Variants in TEX51 observed in about 807,000 individuals in gnomAD.
TEX51 encodes testis-expressed protein 51.
A neutral mutation model predicts 8.0 loss-of-function variants in TEX51; 14 were observed. That is an observed-to-expected ratio of 1.76 (90% CI 1.16 to 2.75). The LOEUF is 2.75. TEX51 is among the 30% of genes most tolerant of loss of function. The pLI is 0.00. For missense variants in TEX51, 142 were observed against 77.4 expected, an observed-to-expected ratio of 1.83 and a Z score of -3.13; for synonymous variants, 58 against 28.6, an observed-to-expected ratio of 2.03 and a Z score of -3.29.
At position 126,899,629 on chromosome 2, in the gene TEX51, A is replaced by C; in HGVS notation, c.310+17A>C. ...AGGAGAAGGGTAAGGGGTGGGGACG[A>C]TCCCTGCACACGGCCCAGCCCTCCA... On this transcript the variant is annotated intron_variant, in intron 3 of 6. Coordinates refer to ENST00000568484, the MANE Select transcript of TEX51 (RefSeq NM_001322244.2). 1.4e-6 allele frequency: 1 copy of C among 699,886 alleles called. No homozygotes were observed. Among genetic ancestry groups the C allele is most frequent in the South Asian group, 1.5e-5 (1 of 66,978 alleles). The allele number at this position is 699,886 out of a possible 1,614,324, so 43.4% of individuals were successfully genotyped here.
Position 126,901,966 on chromosome 2 carries a change from C to A in TEX51, c.*97C>A. The A allele has an allele frequency of 4.6e-6, 3 of 646,408 alleles. No homozygotes were observed. Among genetic ancestry groups the A allele is most frequent in the Non-Finnish European group, 8.4e-6 (3 of 357,374 alleles). 40.0% of individuals were successfully genotyped at this position (646,408 alleles called of 1,614,324 possible). On this transcript the variant is annotated 3_prime_UTR_variant, in exon 7 of 7. Transcript: ENST00000568484. ...CATCTCTGGGTCCCGGTGACCCCATCCCCCCATACCCTCCATCCTGGGTCC... is the reference window on the plus strand; with the variant it reads ...CATCTCTGGGTCCCGGTGACCCCATACCCCCATACCCTCCATCCTGGGTCC...
intron 6 of TEX51, chr2:126,901,627 C>G: frequency 1.7e-6 from 1 of 600,014 alleles, no homozygotes; most frequent in Non-Finnish European, 3.0e-6. Flanking sequence ...AATGGCAAAG[C>G]TCCAGGCCTC....
chr2:126,899,622 G>A lies in TEX51; in HGVS notation c.310+10G>A, dbSNP rs1332048978. On this transcript the variant is annotated intron_variant, in intron 3 of 6. Coordinates refer to ENST00000568484, the MANE Select transcript of TEX51 (RefSeq NM_001322244.2). The stretch of plus-strand genomic sequence containing the variant: ...GGGCTGAAGGAGAAGGGTAAGGGGT[G>A]GGGACGATCCCTGCACACGGCCCAG... The A allele has an allele frequency of 5.7e-6, 4 of 700,594 alleles. No homozygotes were observed. Among genetic ancestry groups the A allele is most frequent in the African/African-American group, 3.5e-5 (2 of 57,176 alleles). 43.4% of individuals were successfully genotyped at this position (700,594 alleles called of 1,614,324 possible). A position where few individuals can be genotyped will look rare whatever the true frequency, so the allele number is the denominator to read the frequency against.
chr2:126,900,859 C>T (rs995630197), intron 4 of TEX51, among the ~76,000 whole-genome samples: 7 of 152,216 alleles, frequency 4.6e-5, no homozygotes, highest in Middle Eastern at 6.3e-3. Context: ...TTGAGCGTGT[C>T]CTGTGCCGGG....
chr2:126,899,140 G>A (rs560435988), intron 1 of TEX51, 77 bp downstream of exon 1: 64 of 701,588 alleles, frequency 9.1e-5, no homozygotes, highest in Non-Finnish European at 1.5e-4. Context: ...CAGGAGATCA[G>A]GGATTGGATG....
Position 126,901,479 on chromosome 2 carries a change from G to C in TEX51, c.*2+75G>C, listed in dbSNP as rs557442814. On this transcript the variant is annotated intron_variant, in intron 6 of 6. Transcript: ENST00000568484. ...AGCTGGGTGTGCCCTGGGAGTCTCA[G>C]GGCCTGGAACCCCAGTGCTGACCTC... The C allele has an allele frequency of 5.6e-4, 390 of 696,590 alleles. 8 individuals are homozygous for C. In the South Asian group the frequency reaches 5.6e-3, roughly 10 times the overall value. 43.2% of individuals were successfully genotyped at this position (696,590 alleles called of 1,614,324 possible). A position where few individuals can be genotyped will look rare whatever the true frequency, so the allele number is the denominator to read the frequency against.
rs1315756589 is a variant in TEX51 at position 126,899,774 on chromosome 2, C to G, written c.310+162C>G. The G allele has an allele frequency of 1.0e-5, 7 of 702,030 alleles. No homozygotes were observed. The East Asian group carries it at 1.9e-4, about 19-fold the overall frequency. The allele number at this position is 702,030 out of a possible 1,614,324, so 43.5% of individuals were successfully genotyped here. A position where few individuals can be genotyped will look rare whatever the true frequency, so the allele number is the denominator to read the frequency against. ...CCATCTCCTACTTGCACCCCAGAACCCCTTGGCTCTGTCTGCCTCCCCAGC... is the reference window on the plus strand; with the variant it reads ...CCATCTCCTACTTGCACCCCAGAACGCCTTGGCTCTGTCTGCCTCCCCAGC... On this transcript the variant is annotated intron_variant, in intron 3 of 6. Transcript: ENST00000568484.
At position 126,899,300 on chromosome 2, in the gene TEX51, G is replaced by A. The variant is rs1402960487; in HGVS notation, c.220+9G>A. 2 of 702,084 alleles carry A rather than the reference G, an allele frequency of 2.8e-6. No homozygotes were observed. The highest frequency in any genetic ancestry group is 3.5e-5 in the African/African-American group (2 of 57,196). 43.5% of individuals were successfully genotyped at this position (702,084 alleles called of 1,614,324 possible). ...TAAAACGTTACGAGATGGTGAGGAA[G>A]CCAAGAGCCCCAGGGCCTTGGGGCT... is the stretch of plus-strand genomic sequence containing the variant. On this transcript the variant is annotated intron_variant, in intron 2 of 6. Coordinates refer to ENST00000568484, the MANE Select transcript of TEX51 (RefSeq NM_001322244.2).
intron 1 of TEX51, 43 bp downstream of exon 1, chr2:126,899,106 C>G: frequency 4.3e-6 from 3 of 701,242 alleles, no homozygotes; most frequent in East Asian, 2.7e-5. Flanking sequence ...TTTCTCAAAC[C>G]CTGGTACCTT....
chr2:126,901,354 T>G lies in TEX51; in HGVS notation c.464-11T>G. The G allele has an allele frequency of 1.4e-6, 1 of 702,312 alleles. No individual in the cohort carries two copies. The highest frequency in any genetic ancestry group is 2.6e-6 in the Non-Finnish European group (1 of 384,812). The allele number at this position is 702,312 out of a possible 1,614,324, so 43.5% of individuals were successfully genotyped here. ...ATTCCCTGACTGACTCCACCCTGTT[T>G]CTTGGCCCAGATGTTTCTTTTACTG... On this transcript the variant is annotated splice_polypyrimidine_tract_variant and intron_variant, in intron 5 of 6. Coordinates refer to ENST00000568484, the MANE Select transcript of TEX51 (RefSeq NM_001322244.2).
In TEX51 at chr2:126,901,432, T is replaced by A. The variant is rs1680324988; in HGVS notation, c.*2+28T>A. 1.0e-5 allele frequency: 7 copies of A among 702,014 alleles called. No homozygotes were observed. In the South Asian group the frequency reaches 1.0e-4, roughly 10 times the overall value. The allele number at this position is 702,014 out of a possible 1,614,324, so 43.5% of individuals were successfully genotyped here. On this transcript the variant is annotated intron_variant, in intron 6 of 6. Transcript: ENST00000568484. Reference sequence around the variant, plus strand: ...ACTGGGAAAGGAGACCCCGACCCAATTCTAGGGCTCCCAGAGGGAAAAGCT... The same window carrying A: ...ACTGGGAAAGGAGACCCCGACCCAAATCTAGGGCTCCCAGAGGGAAAAGCT...
chr2:126,902,080 A>C lies in TEX51; in HGVS notation c.*211A>C. 6.4e-5 allele frequency: 27 copies of C among 423,856 alleles called. No individual in the cohort carries two copies. Among genetic ancestry groups the C allele is most frequent in the South Asian group, 4.6e-4 (7 of 15,182 alleles). The allele number at this position is 423,856 out of a possible 1,614,324, so 26.3% of individuals were successfully genotyped here. ...CTTTGTAAAGAGTCTCTTCATTAAA[A>C]CCCCTCTTCATAGCCTAGTTGACTG... On this transcript the variant is annotated 3_prime_UTR_variant, in exon 7 of 7. Transcript: ENST00000568484.
intron 6 of TEX51, 83 bp from the exon 7 acceptor site, chr2:126,901,789 C>T (rs1680346287): frequency 1.8e-6 from 1 of 567,060 alleles, no homozygotes; most frequent in East Asian, 3.0e-5. Flanking sequence ...GGGAGACTCC[C>T]AGGAGGAAGT....
At chr2:126,901,667 C>A in intron 6 of TEX51, 3 of 593,482 alleles carry the variant, frequency 5.1e-6, no homozygotes, top group Non-Finnish European at 9.0e-6. Context: ...CTCTTCCTCC[C>A]AGCTGTCCCT....
rs1478704254 is a variant in TEX51 at position 126,899,286 on chromosome 2, G to C, written c.215G>C (p.Arg72Pro). 2 of 702,134 alleles carry C rather than the reference G, an allele frequency of 2.8e-6. No individual in the cohort carries two copies. The highest frequency in any genetic ancestry group is 4.0e-5 in the Admixed American group (2 of 49,996). The allele number at this position is 702,134 out of a possible 1,614,324, so 43.5% of individuals were successfully genotyped here. The change falls in exon 2 of 7, where the codon CGA (arginine) becomes CCA (proline). Residue 72 changes from arginine to proline, a missense_variant. Coordinates refer to ENST00000568484, the MANE Select transcript of TEX51 (RefSeq NM_001322244.2). ...TQVHQAIKTL[R>P]DDKTVLLEEI... ...GTACACCAAGCCATTAAAACGTTACGAGATGGTGAGGAAGCCAAGAGCCCC... is the reference window on the plus strand; with the variant it reads ...GTACACCAAGCCATTAAAACGTTACCAGATGGTGAGGAAGCCAAGAGCCCC...
At chr2:126,900,166 T>C (rs1680250476) in intron 4 of TEX51, 147 bp downstream of exon 4, 1 of 642,322 alleles carries the variant, frequency 1.6e-6, no homozygotes, top group Non-Finnish European at 2.8e-6. Flanking sequence ...TTCTGGGATT[T>C]CTTGATGTCC....
intron 5 of TEX51, 36 bp from the exon 6 acceptor site, chr2:126,901,329 A>G: frequency 1.4e-6 from 1 of 702,198 alleles, no homozygotes; most frequent in South Asian, 1.5e-5. Flanking sequence ...AGACACACCT[A>G]TTCCCTGACT....
At chr2:126,899,908 C>T (rs1232450324) in intron 3 of TEX51, 28 bp from the exon 4 acceptor site, 1 of 702,242 alleles carries the variant, frequency 1.4e-6, no homozygotes, top group Admixed American at 2.0e-5. Flanking sequence ...CCTGGCACCC[C>T]CTAGCCCCTG....
At chr2:126,901,733 A>T (rs976465812) in intron 6 of TEX51, 139 bp from the exon 7 acceptor site, 42 of 572,038 alleles carry the variant, frequency 7.3e-5, no homozygotes, top group African/African-American at 7.2e-4. Flanking sequence ...CACAGGGACC[A>T]TTAGCATGGC....
Sources: gnomAD v4.1 joint callset for allele counts (sites outside exome capture counted in the v4.1 genomes callset) on GRCh38, gnomAD v4.1.1 for gene constraint, MANE v1.5 for transcripts, NCBI Gene and HGNC (gene_info 2026-07-23, HGNC 2026-07-21) for gene names.